The following UBE2Q2 variants were observed in gnomAD, a reference collection of about 807,000 sequenced individuals.
UBE2Q2 encodes the protein ubiquitin conjugating enzyme E2 Q2.
A neutral mutation model predicts 59.9 loss-of-function variants in UBE2Q2; 54 were observed. The ratio of observed to expected loss-of-function variants is 0.90; its 90% CI spans 0.72 to 1.13. The LOEUF is 1.13. UBE2Q2 is among the 50% of genes most tolerant of loss of function. The probability of loss-of-function intolerance (pLI) is 0.00; values close to 1 mark genes in which losing one functional copy is unlikely to be tolerated. For missense variants in UBE2Q2, 433 were observed against 441.9 expected, an observed-to-expected ratio of 0.98 and a Z score of 0.18; for synonymous variants, 165 against 155.2, an observed-to-expected ratio of 1.06 and a Z score of -0.47.
intron 7 of UBE2Q2, 131 bp downstream of exon 7, chr15:75,878,152 A>G (rs1898190127): frequency 7.1e-6 from 5 of 703,626 alleles, no homozygotes; most frequent in Non-Finnish European, 1.1e-5. Flanking sequence ...TTCTATAGAA[A>G]TAGTTCTTAG....
chr15:75,897,614 A>G (rs1031222804), intron 12 of UBE2Q2, among the ~76,000 whole-genome samples: 1 of 137,148 alleles, frequency 7.3e-6, no homozygotes, highest in African/African-American at 2.8e-5. Flanking sequence ...TTTTTTTTTT[A>G]GTAGATTAAT....
Position 75,890,497 on chromosome 15 carries a change from C to A in UBE2Q2, c.933+14C>A, listed in dbSNP as rs775764452. ...CTCACAAAACAGGTGACTTTTCTTA[C>A]GATACTCCATTTTCACCCACAATTT... On this transcript the variant is annotated intron_variant, in intron 10 of 12. Coordinates refer to ENST00000267938, the MANE Select transcript of UBE2Q2 (RefSeq NM_173469.4). 4.4e-6 allele frequency: 7 copies of A among 1,606,354 alleles called. No homozygotes were observed. Among genetic ancestry groups the A allele is most frequent in the Non-Finnish European group, 5.1e-6 (6 of 1,177,162 alleles).
At chr15:75,896,707 A>T (rs1481799103) in intron 11 of UBE2Q2, among the ~76,000 whole-genome samples, 1 of 152,134 alleles carries the variant, frequency 6.6e-6, no homozygotes, top group Non-Finnish European at 1.5e-5. Flanking sequence ...ATGGAGACGG[A>T]CTCTAGAACC....
At chr15:75,863,626 T>G (rs994328970) in intron 3 of UBE2Q2, among the ~76,000 whole-genome samples, 1 of 150,866 alleles carries the variant, frequency 6.6e-6, no homozygotes, top group Non-Finnish European at 1.5e-5. Flanking sequence ...TTTATAAACA[T>G]CTATGATCAC....
chr15:75,854,396 C>T lies in UBE2Q2; in HGVS notation c.191C>T (p.Pro64Leu). ...TLHCNITESY[P>L]SSSPIWFVDS... ...CTCTGTGTTAAACAGGAATCCTATC[C>T]ATCTTCTTCACCGATATGGTTTGTG... The change falls in exon 2 of 13, where the codon CCA becomes CTA. Residue 64 changes from proline to leucine, a missense_variant. Pro to Leu is a moderately conservative substitution (Grantham distance 98). Coordinates refer to ENST00000267938, the MANE Select transcript of UBE2Q2 (RefSeq NM_173469.4). 2 of 1,612,170 alleles carry T rather than the reference C, an allele frequency of 1.2e-6. No homozygotes were observed. Among genetic ancestry groups the T allele is most frequent in the Non-Finnish European group, 1.7e-6 (2 of 1,178,954 alleles).
At chr15:75,871,587 T>C (rs1253705417) in intron 4 of UBE2Q2, among the ~76,000 whole-genome samples, 3 of 152,242 alleles carry the variant, frequency 2.0e-5, no homozygotes, top group Non-Finnish European at 4.4e-5. Context: ...TTAAGGAGCA[T>C]GCTGCCTTCA....
Position 75,900,975 on chromosome 15 carries a change from A to T in UBE2Q2, c.*1517A>T, listed in dbSNP as rs1899722903. ...TAATGGATTTTATTTTTAATTGCAG[A>T]TTTATTTGGCAATGTACAGTAAATT... On this transcript the variant is annotated 3_prime_UTR_variant, in exon 13 of 13. Coordinates refer to ENST00000267938, the MANE Select transcript of UBE2Q2 (RefSeq NM_173469.4). 1 of 152,636 alleles carries T rather than the reference A, an allele frequency of 6.6e-6. No individual in the cohort carries two copies. The highest frequency in any genetic ancestry group is 2.4e-5 in the African/African-American group (1 of 41,448). The allele number at this position is 152,636 out of a possible 1,614,324, so 9.5% of individuals were successfully genotyped here.
At chr15:75,851,031 T>C (rs553675626) in intron 1 of UBE2Q2, among the ~76,000 whole-genome samples, 1 of 152,358 alleles carries the variant, frequency 6.6e-6, no homozygotes, top group East Asian at 1.9e-4. Context: ...TGTTGTATGC[T>C]ATTTGCTTGA....
intron 8 of UBE2Q2, 44 bp downstream of exon 8, chr15:75,879,232 C>T (rs377709192): frequency 1.0e-5 from 12 of 1,200,884 alleles, no homozygotes; most frequent in South Asian, 7.0e-5. Context: ...CAGTGGGGTG[C>T]GTATATTTGT....
intron 3 of UBE2Q2, among the ~76,000 whole-genome samples, chr15:75,862,951 C>T (rs1359290738): frequency 1.3e-5 from 2 of 151,888 alleles, no homozygotes; most frequent in Non-Finnish European, 2.9e-5. Flanking sequence ...TCTCCTGGTG[C>T]AATCATAAAT....
chr15:75,886,017 T>C (rs1419994701), intron 9 of UBE2Q2, among the ~76,000 whole-genome samples: 1 of 152,214 alleles, frequency 6.6e-6, no homozygotes, highest in Non-Finnish European at 1.5e-5. Context: ...CACCAGTCTT[T>C]TACTAGCCAC....
intron 12 of UBE2Q2, among the ~76,000 whole-genome samples, chr15:75,898,233 C>A (rs1899541858): frequency 6.6e-6 from 1 of 152,128 alleles, no homozygotes; most frequent in African/African-American, 2.4e-5. Flanking sequence ...TTAACCATTA[C>A]AACTGGCATT....
rs766692853 is a variant in UBE2Q2, at chr15:75,868,060, A to G, written c.388-891A>G. Among the ~76,000 whole-genome samples the G allele has an allele frequency of 4.2e-4, 64 of 152,232 alleles. 1 individual carries two copies. Among genetic ancestry groups the G allele is most frequent in the Admixed American group, 2.6e-3 (40 of 15,286 alleles). On this transcript the variant is annotated intron_variant, in intron 3 of 12. Transcript: ENST00000267938. Reference sequence around the variant, plus strand: ...CAGCTGACTAATCCAGAAGAGTTCTAATACCCTCTGTGATCATGGGTTTGT... The same window carrying G: ...CAGCTGACTAATCCAGAAGAGTTCTGATACCCTCTGTGATCATGGGTTTGT...
At chr15:75,844,562 C>T (rs1465739981) in intron 1 of UBE2Q2, 8 of 1,463,216 alleles carry the variant, frequency 5.5e-6, no homozygotes, top group Non-Finnish European at 6.5e-6. Context: ...AGGAGATACG[C>T]GCCAGGGCTG....
At chr15:75,850,180 T>C (rs1896557093) in intron 1 of UBE2Q2, among the ~76,000 whole-genome samples, 1 of 152,184 alleles carries the variant, frequency 6.6e-6, no homozygotes, top group Admixed American at 6.5e-5. Flanking sequence ...TATTTTATAA[T>C]ATGGAAAACA....
chr15:75,883,839 T>TATACATAC (rs924347206), intron 9 of UBE2Q2, among the ~76,000 whole-genome samples: 1 of 151,886 alleles, frequency 6.6e-6, no homozygotes, highest in Admixed American at 6.6e-5. Flanking sequence ...TATTTATACA[T>TATACATAC]ACACACACAC....
At chr15:75,862,260 C>T (rs923056148) in intron 3 of UBE2Q2, among the ~76,000 whole-genome samples, 2 of 152,118 alleles carry the variant, frequency 1.3e-5, no homozygotes, top group African/African-American at 4.8e-5. Flanking sequence ...GCCCTGAGTT[C>T]TAAGAACCTT....
At chr15:75,847,746 G>A (rs769886766) in intron 1 of UBE2Q2, among the ~76,000 whole-genome samples, 16 of 151,844 alleles carry the variant, frequency 1.1e-4, no homozygotes, top group Admixed American at 2.0e-4. Flanking sequence ...CTCCTTTTAT[G>A]GACTTTTTGG....
intron 2 of UBE2Q2, among the ~76,000 whole-genome samples, chr15:75,855,771 C>T (rs770964927): frequency 2.6e-5 from 4 of 152,040 alleles, no homozygotes; most frequent in African/African-American, 7.3e-5. Context: ...TAGATGTGCA[C>T]GACTTTTATC....
Sources: gnomAD v4.1 joint callset for allele counts (sites outside exome capture counted in the v4.1 genomes callset) on GRCh38, gnomAD v4.1.1 for gene constraint, MANE v1.5 for transcripts, NCBI Gene and HGNC (gene_info 2026-07-23, HGNC 2026-07-21) for gene names.